NREP: variants seen among roughly 807,000 people sequenced by gnomAD.
NREP encodes the protein neuronal regeneration-related protein.
Under a neutral mutation model 8.6 loss-of-function variants are expected in NREP, and 5 were observed. The ratio of observed to expected loss-of-function variants is 0.58; its 90% CI spans 0.30 to 1.22. NREP has a LOEUF of 1.22. Ranked by LOEUF, NREP falls within the 50% of genes most tolerant of loss-of-function variation. The pLI is 0.07. For missense variants in NREP, 86 were observed against 82.5 expected (o/e 1.04, Z -0.17); for synonymous variants, 27 against 28.0 (o/e 0.96, Z 0.11).
In NREP at chr5:111,848,761, A is replaced by G. The variant is rs545946486; in HGVS notation, c.136-113254T>C. Among the ~76,000 whole-genome samples the G allele has an allele frequency of 3.9e-5, 6 of 151,956 alleles. No homozygotes were observed. The South Asian group carries it at 8.3e-4, about 21-fold the overall frequency. On this transcript the variant is annotated intron_variant, in intron 2 of 3. Coordinates refer to the NREP transcript ENST00000395634. ...TATTTCAGTGCGTAAGATGAATGCC[A>G]TGCTTTAATGTTCCTTGTCAAAGTA...
intron 2 of NREP, among the ~76,000 whole-genome samples, chr5:111,950,726 A>G (rs1756133531): frequency 6.6e-6 from 1 of 151,672 alleles, no homozygotes; most frequent in Non-Finnish European, 1.5e-5. Flanking sequence ...AGACAAGCTC[A>G]TCAAAAAGTG....
chr5:111,898,530 G>T (rs896185202), intron 2 of NREP, among the ~76,000 whole-genome samples: 1 of 152,130 alleles, frequency 6.6e-6, no homozygotes, highest in African/African-American at 2.4e-5. Flanking sequence ...CCAGTCAGCA[G>T]GAGTGGCTGC....
At chr5:111,864,320 A>T (rs1019762750) in intron 2 of NREP, among the ~76,000 whole-genome samples, 2 of 152,166 alleles carry the variant, frequency 1.3e-5, no homozygotes, top group African/African-American at 4.8e-5. Context: ...TATTGCCATG[A>T]GATATTATTG....
chr5:111,761,814 A>C (rs1750965882), upstream of NREP, among the ~76,000 whole-genome samples: 1 of 152,230 alleles, frequency 6.6e-6, no homozygotes. Flanking sequence ...TAATGGGCTA[A>C]TAAGCAGGTG....
rs1755425123 is a variant in NREP, at chr5:111,927,599, T to C, written c.135+47675A>G. Among the ~76,000 whole-genome samples, 4 of 152,294 alleles carry C rather than the reference T, an allele frequency of 2.6e-5. No homozygotes were observed. The South Asian group carries it at 8.3e-4, about 32-fold the overall frequency. ...AGATAGCTGTAATTTCACATTGTGA[T>C]TGTATCCTATGTAAAAATATAGATT... On this transcript the variant is annotated intron_variant, in intron 2 of 3. Coordinates refer to the NREP transcript ENST00000395634.
chr5:111,780,484 T>G (rs1381259720), intron 2 of NREP, among the ~76,000 whole-genome samples: 3 of 152,088 alleles, frequency 2.0e-5, no homozygotes, highest in African/African-American at 2.4e-5. Flanking sequence ...TCTAAGTTAT[T>G]TGGCTACAAT....
chr5:111,851,473 A>C (rs906879486), intron 2 of NREP, among the ~76,000 whole-genome samples: 2 of 152,132 alleles, frequency 1.3e-5, no homozygotes, highest in Non-Finnish European at 2.9e-5. Flanking sequence ...AGAGAGTTCC[A>C]ATATAAAGAG....
At chr5:111,756,047 G>A (rs149169767) in intron 1 of NREP, 32,244 of 1,324,326 alleles carry the variant, frequency 0.024, 466 homozygotes, top group Non-Finnish European at 0.028. Flanking sequence ...TGGCTTTGCA[G>A]AGTCCTGGGC....
In NREP at chr5:111,729,908, T is replaced by G. The variant is rs1358358281; in HGVS notation, c.*1013A>C. On this transcript the variant is annotated 3_prime_UTR_variant, in exon 4 of 4. Transcript: ENST00000257435. Reference sequence around the variant, plus strand: ...TGTCATTTTCATATTCCCACTCAGATGCCAGTGTTTTGGGTTTTTTTCCAG... The same window carrying G: ...TGTCATTTTCATATTCCCACTCAGAGGCCAGTGTTTTGGGTTTTTTTCCAG... The G allele has an allele frequency of 1.3e-5, 2 of 152,634 alleles. No individual in the cohort carries two copies. Among genetic ancestry groups the G allele is most frequent in the Non-Finnish European group, 2.9e-5 (2 of 68,020 alleles). The allele number at this position is 152,634 out of a possible 1,614,324, so 9.5% of individuals were successfully genotyped here.
rs1484842971 is a variant in NREP at position 111,730,899 on chromosome 5, A to C, written c.*22T>G. On this transcript the variant is annotated 3_prime_UTR_variant, in exon 4 of 4. Coordinates refer to ENST00000257435, the MANE Select transcript of NREP (RefSeq NM_004772.4). ...TCATCAATACCCATACACCATATGT[A>C]ATACAAATGGAGGTGTTACGATTAA... 2 of 1,613,526 alleles carry C rather than the reference A, an allele frequency of 1.2e-6. No homozygotes were observed.
In NREP at chr5:111,730,724, G is replaced by A. The variant is rs1169961036; in HGVS notation, c.*197C>T. 16 of 597,750 alleles carry A rather than the reference G, an allele frequency of 2.7e-5. No individual in the cohort carries two copies. Among genetic ancestry groups the A allele is most frequent in the East Asian group, 8.7e-5 (3 of 34,574 alleles). The allele number at this position is 597,750 out of a possible 1,614,324, so 37.0% of individuals were successfully genotyped here. A position where few individuals can be genotyped will look rare whatever the true frequency, so the allele number is the denominator to read the frequency against. ...GGATTCACAGTGTGAAATTCTGAGCGTTTTCACTTGAGTCAGAATGATTAA... is the reference window on the plus strand; with the variant it reads ...GGATTCACAGTGTGAAATTCTGAGCATTTTCACTTGAGTCAGAATGATTAA... On this transcript the variant is annotated 3_prime_UTR_variant, in exon 4 of 4. Coordinates refer to ENST00000257435, the MANE Select transcript of NREP (RefSeq NM_004772.4).
intron 2 of NREP, among the ~76,000 whole-genome samples, chr5:111,770,092 T>C (rs921549704): frequency 5.3e-5 from 8 of 152,240 alleles, no homozygotes; most frequent in African/African-American, 1.7e-4. Context: ...ATCAGAAAAT[T>C]AGACATTCTA....
chr5:111,927,464 A>G (rs508089), intron 2 of NREP, among the ~76,000 whole-genome samples: 79,049 of 151,924 alleles, frequency 0.52, 21,380 homozygotes, highest in African/African-American at 0.64. Context: ...GAAATGGGAC[A>G]TGGTGTGAAA....
chr5:111,868,212 G>C (rs1392064474), intron 2 of NREP, among the ~76,000 whole-genome samples: 1 of 152,114 alleles, frequency 6.6e-6, no homozygotes, highest in Admixed American at 6.6e-5. Context: ...TCAGTCTCCA[G>C]TGTCTTTCCA....
At chr5:111,792,614 A>G in intron 2 of NREP, among the ~76,000 whole-genome samples, 1 of 152,212 alleles carries the variant, frequency 6.6e-6, no homozygotes, top group South Asian at 2.1e-4. Context: ...CTTTGCTTTT[A>G]TAAATAGTAT....
intron 2 of NREP, among the ~76,000 whole-genome samples, chr5:111,900,656 C>A (rs772899337): frequency 1.3e-5 from 2 of 151,828 alleles, no homozygotes; most frequent in Admixed American, 1.3e-4. Context: ...AACTGAAAAA[C>A]CTAGAGAAAA....
intron 2 of NREP, among the ~76,000 whole-genome samples, chr5:111,777,278 G>A (rs1192064446): frequency 6.6e-6 from 1 of 152,060 alleles, no homozygotes; most frequent in Non-Finnish European, 1.5e-5. Context: ...CTTAGAGTAT[G>A]AGAATTTAAT....
At chr5:111,770,554 C>CTTTTTTTT (rs34538408) in intron 2 of NREP, among the ~76,000 whole-genome samples, 3 of 73,628 alleles carry the variant, frequency 4.1e-5, no homozygotes, top group Non-Finnish European at 5.3e-5. Flanking sequence ...GAATTATTTC[C>CTTTTTTTT]TTTTTTTTTT....
chr5:111,763,179 G>A (rs1195600522), intron 2 of NREP, among the ~76,000 whole-genome samples: 6 of 152,232 alleles, frequency 3.9e-5, no homozygotes. Context: ...CCAAGAGTAT[G>A]CTCAGTGTCT....
Sources: gnomAD v4.1 joint callset for allele counts (sites outside exome capture counted in the v4.1 genomes callset) on GRCh38, gnomAD v4.1.1 for gene constraint, MANE v1.5 for transcripts, NCBI Gene and HGNC (gene_info 2026-07-23, HGNC 2026-07-21) for gene names.